Variants in PHACTR4 observed in about 807,000 individuals in gnomAD.
PHACTR4 encodes protein phosphatase 1, regulatory subunit 124.
Under a neutral mutation model 72.7 loss-of-function variants are expected in PHACTR4, and 51 were observed. That is an observed-to-expected ratio of 0.70 (90% CI 0.56 to 0.89). The LOEUF (loss-of-function observed/expected upper bound fraction) is 0.89. Among genes scored for constraint, PHACTR4 ranks in the 40% least tolerant of loss-of-function variants. The probability of loss-of-function intolerance (pLI) is 0.00; values close to 1 mark genes in which losing one functional copy is unlikely to be tolerated. For missense variants in PHACTR4, 731 were observed against 861.8 expected, an observed-to-expected ratio of 0.85 and a Z score of 1.90; for synonymous variants, 255 against 302.5, an observed-to-expected ratio of 0.84 and a Z score of 1.63.
chr1:28,437,658 G>A (rs1198388138), intron 2 of PHACTR4, among the ~76,000 whole-genome samples: 2 of 152,054 alleles, frequency 1.3e-5, no homozygotes, highest in Non-Finnish European at 2.9e-5. Flanking sequence ...CTCACATGAT[G>A]GAAAAAGAGA....
intron 1 of PHACTR4, among the ~76,000 whole-genome samples, chr1:28,386,618 A>G (rs1420643611): frequency 3.3e-5 from 5 of 152,042 alleles, no homozygotes; most frequent in African/African-American, 1.2e-4. Context: ...TTGGGTATAT[A>G]TATGTGGCGG....
intron 1 of PHACTR4, among the ~76,000 whole-genome samples, chr1:28,373,421 G>A (rs1651399717): frequency 6.6e-6 from 1 of 152,106 alleles, no homozygotes; most frequent in Non-Finnish European, 1.5e-5. Context: ...CTCCTGAGTA[G>A]CTGGGATTAC....
Position 28,496,984 on chromosome 1 carries a change from G to A in PHACTR4, c.*435G>A. The stretch of plus-strand genomic sequence containing the variant: ...TTCCAGCCATCAAATCCAATTCCTG[G>A]TGGGGAAAACCTTCTGGAGACCCCC... On this transcript the variant is annotated 3_prime_UTR_variant, in exon 14 of 14. Coordinates refer to ENST00000373839, the MANE Select transcript of PHACTR4 (RefSeq NM_001048183.3). 4.8e-6 allele frequency: 1 copy of A among 209,180 alleles called. No individual in the cohort carries two copies. The highest frequency in any genetic ancestry group is 9.7e-6 in the Non-Finnish European group (1 of 103,390). 13.0% of individuals were successfully genotyped at this position (209,180 alleles called of 1,614,324 possible). A position where few individuals can be genotyped will look rare whatever the true frequency, so the allele number is the denominator to read the frequency against.
At chr1:28,429,564 G>A (rs1023953010) in intron 2 of PHACTR4, among the ~76,000 whole-genome samples, 1 of 152,120 alleles carries the variant, frequency 6.6e-6, no homozygotes, top group Non-Finnish European at 1.5e-5. Flanking sequence ...TGAATATAGT[G>A]GATGAATATT....
At chr1:28,376,608 C>T (rs935496984) in intron 1 of PHACTR4, among the ~76,000 whole-genome samples, 10 of 151,822 alleles carry the variant, frequency 6.6e-5, no homozygotes, top group Non-Finnish European at 1.5e-4. Context: ...GGATTACAGG[C>T]GTGAGCCACT....
At chr1:28,464,446 G>A (rs1284196978) in intron 4 of PHACTR4, among the ~76,000 whole-genome samples, 1 of 152,160 alleles carries the variant, frequency 6.6e-6, no homozygotes, top group Non-Finnish European at 1.5e-5. Context: ...AAGGCATGGT[G>A]GTGTGTGCTA....
chr1:28,398,645 C>A (rs577318026), intron 1 of PHACTR4, among the ~76,000 whole-genome samples: 1 of 152,018 alleles, frequency 6.6e-6, no homozygotes, highest in East Asian at 1.9e-4. Context: ...ATGGTGAAAC[C>A]CTGTCTCTAC....
At chr1:28,436,355 G>C (rs1656635986) in intron 2 of PHACTR4, among the ~76,000 whole-genome samples, 1 of 151,808 alleles carries the variant, frequency 6.6e-6, no homozygotes, top group Non-Finnish European at 1.5e-5. Flanking sequence ...TCCCACCTCA[G>C]CCTCCTGAGT....
intron 9 of PHACTR4, 88 bp downstream of exon 9, chr1:28,480,692 GTT>G (rs1229861349): frequency 1.3e-6 from 2 of 1,522,322 alleles, no homozygotes; most frequent in Non-Finnish European, 1.8e-6. Flanking sequence ...TTTTGTGTGT[GTT>G]TTGTTTCGTT....
At chr1:28,427,284 G>A (rs929459815) in intron 2 of PHACTR4, among the ~76,000 whole-genome samples, 15 of 152,074 alleles carry the variant, frequency 9.9e-5, no homozygotes, top group African/African-American at 3.4e-4. Flanking sequence ...CCAGCACTTC[G>A]GGAGGCAGCG....
chr1:28,425,344 C>T (rs1655771802), intron 2 of PHACTR4, among the ~76,000 whole-genome samples: 1 of 151,658 alleles, frequency 6.6e-6, no homozygotes. Context: ...GTCTCAAACT[C>T]CTGACCTCGT....
At chr1:28,410,988 G>A (rs1046221612) in intron 2 of PHACTR4, among the ~76,000 whole-genome samples, 1 of 151,192 alleles carries the variant, frequency 6.6e-6, no homozygotes, top group African/African-American at 2.4e-5. Context: ...AATTGCAGGC[G>A]TGAGCCACCA....
chr1:28,419,701 A>G (rs1274629705), intron 2 of PHACTR4, among the ~76,000 whole-genome samples: 1 of 152,056 alleles, frequency 6.6e-6, no homozygotes, highest in African/African-American at 2.4e-5. Flanking sequence ...GGAAAATTCA[A>G]CTCTTCTAGT....
At chr1:28,492,002 G>C (rs1429779878) in intron 12 of PHACTR4, among the ~76,000 whole-genome samples, 2 of 152,180 alleles carry the variant, frequency 1.3e-5, no homozygotes, top group African/African-American at 2.4e-5. Flanking sequence ...AATACTGAAA[G>C]AAAGAAAATC....
intron 2 of PHACTR4, among the ~76,000 whole-genome samples, chr1:28,429,541 A>T (rs776042351): frequency 1.3e-5 from 2 of 152,236 alleles, no homozygotes; most frequent in South Asian, 2.1e-4. Flanking sequence ...GTGGATGAAT[A>T]GCCTACCTTG....
At chr1:28,440,219 G>A (rs1367185166) in intron 2 of PHACTR4, among the ~76,000 whole-genome samples, 6 of 148,458 alleles carry the variant, frequency 4.0e-5, no homozygotes, top group African/African-American at 1.5e-4. Context: ...GGAGAATGGC[G>A]TGAACCCGGG....
rs34236551 is a variant in PHACTR4 at position 28,433,331 on chromosome 1, A to G, written c.17-25754A>G. 4.9e-3 allele frequency among the ~76,000 whole-genome samples: 751 copies of G among 152,148 alleles called. 4 individuals carry two copies. The highest frequency in any genetic ancestry group is 0.017 in the African/African-American group (703 of 41,508). ...TATCGTCCTACCTTTCTGCTTGTCT[A>G]CTTACCAATTAGCACAGAGTAAATA... On this transcript the variant is annotated intron_variant, in intron 2 of 13. Transcript: ENST00000373839.
At chr1:28,493,548 AAAAAAAT>A (rs1661166105) in intron 13 of PHACTR4, among the ~76,000 whole-genome samples, 1 of 151,938 alleles carries the variant, frequency 6.6e-6, no homozygotes, top group Non-Finnish European at 1.5e-5. Context: ...CAAAAAAAAA[AAAAAAAT>A]AAGTAAATGT....
chr1:28,388,141 G>A (rs1652711276), intron 1 of PHACTR4, among the ~76,000 whole-genome samples: 1 of 151,874 alleles, frequency 6.6e-6, no homozygotes, highest in Admixed American at 6.6e-5. Flanking sequence ...AGTAAGCTGT[G>A]ATGGTGCCAT....
Sources: gnomAD v4.1 joint callset for allele counts (sites outside exome capture counted in the v4.1 genomes callset) on GRCh38, gnomAD v4.1.1 for gene constraint, MANE v1.5 for transcripts, NCBI Gene and HGNC (gene_info 2026-07-23, HGNC 2026-07-21) for gene names.